Variants in BRINP3 observed in about 807,000 individuals in gnomAD.
The protein encoded by BRINP3 is BMP/retinoic acid inducible neural specific 3, also known as BMP/retinoic acid-inducible neural-specific protein 3.
A neutral mutation model predicts 71.0 loss-of-function variants in BRINP3; 19 were observed. That is an observed-to-expected ratio of 0.27 (90% CI 0.19 to 0.39). The LOEUF (loss-of-function observed/expected upper bound fraction) is 0.39, where lower values mean the gene tolerates loss of function less well. Among genes scored for constraint, BRINP3 ranks in the 10% least tolerant of loss-of-function variants. The pLI, the probability that BRINP3 is intolerant of heterozygous loss-of-function variation, is 1.00. For synonymous variants in BRINP3, 380 were observed against 337.7 expected (o/e 1.13, Z -1.37); for missense variants, 959 against 940.8 (o/e 1.02, Z -0.25).
chr1:190,467,875 A>T (rs1358340181), intron 1 of BRINP3, among the ~76,000 whole-genome samples: 1 of 151,572 alleles, frequency 6.6e-6, no homozygotes, highest in African/African-American at 2.4e-5. Context: ...TACATAAAAA[A>T]GAATCACTCA....
Position 190,160,667 on chromosome 1 carries a change from C to CCTTTTG in BRINP3, c.1184_1184+1insCAAAAG (p.Gln394_Arg395insSerLys). ...TGCTTACATTACCACAAATGTCTTA[C>CCTTTTG]CTTTGTCTTGGCAGGCTGATGAGGG... On this transcript the variant is annotated inframe_insertion and splice_region_variant. Coordinates refer to ENST00000367462, the MANE Select transcript of BRINP3 (RefSeq NM_199051.3). 1 of 1,610,810 alleles carries CCTTTTG rather than the reference C, an allele frequency of 6.2e-7. No individual in the cohort carries two copies.
At chr1:190,195,741 A>T (rs190751033) in intron 6 of BRINP3, among the ~76,000 whole-genome samples, 2 of 151,922 alleles carry the variant, frequency 1.3e-5, no homozygotes, top group Non-Finnish European at 2.9e-5. Flanking sequence ...TCTTCCTCTC[A>T]GTGGGAAAAT....
chr1:190,103,129 T>G (rs1651841899), intron 7 of BRINP3, among the ~76,000 whole-genome samples: 1 of 152,110 alleles, frequency 6.6e-6, no homozygotes, highest in Non-Finnish European at 1.5e-5. Flanking sequence ...TACTTTACCC[T>G]GTGCCCTGTG....
At position 190,318,937 on chromosome 1, in the gene BRINP3, A is replaced by G. The variant is rs12239869; in HGVS notation, c.237-37187T>C. Among the ~76,000 whole-genome samples, 279 of 152,242 alleles carry G rather than the reference A, an allele frequency of 1.8e-3. 2 individuals are homozygous for G. The highest frequency in any genetic ancestry group is 6.5e-3 in the African/African-American group (272 of 41,552). ...ATATTTTGTTCGGATGTAGATCTAT[A>G]TATTTCATTCTATCTTTCACTTATT... On this transcript the variant is annotated intron_variant, in intron 2 of 7. Transcript: ENST00000367462.
At chr1:190,215,097 A>G (rs918125851) in intron 6 of BRINP3, among the ~76,000 whole-genome samples, 2 of 145,360 alleles carry the variant, frequency 1.4e-5, no homozygotes, top group Non-Finnish European at 3.0e-5. Flanking sequence ...CTATTATGAA[A>G]AAAAAAAAAA....
chr1:190,111,811 G>A (rs901098017), intron 7 of BRINP3, among the ~76,000 whole-genome samples: 2 of 152,114 alleles, frequency 1.3e-5, no homozygotes, highest in African/African-American at 4.8e-5. Context: ...GGGACCATTG[G>A]AAGCAATTTC....
chr1:190,438,187 A>G (rs1468363904), intron 2 of BRINP3, among the ~76,000 whole-genome samples: 2 of 151,562 alleles, frequency 1.3e-5, no homozygotes, highest in African/African-American at 2.4e-5. Context: ...CTATAGAATC[A>G]TTCTTTAATC....
Position 190,221,890 on chromosome 1 carries a change from C to T in BRINP3, c.961+4192G>A, listed in dbSNP as rs114655837. Among the ~76,000 whole-genome samples, 895 of 152,152 alleles carry T rather than the reference C, an allele frequency of 5.9e-3. 8 individuals carry two copies. The highest frequency in any genetic ancestry group is 0.01 in the Non-Finnish European group (705 of 67,966). On this transcript the variant is annotated intron_variant, in intron 6 of 7. Coordinates refer to ENST00000367462, the MANE Select transcript of BRINP3 (RefSeq NM_199051.3). The stretch of plus-strand genomic sequence containing the variant: ...CAATTATCAATAGTTTTATGCCCAA[C>T]AACAGAGTTTCCTATAAGTATATAA...
At position 190,276,632 on chromosome 1, in the gene BRINP3, TAC is replaced by T. The variant is rs879430917; in HGVS notation, c.427+4926_427+4927del. Among the ~76,000 whole-genome samples the T allele has an allele frequency of 5.5e-3, 826 of 150,020 alleles. 6 individuals carry two copies. Among genetic ancestry groups the T allele is most frequent in the African/African-American group, 0.018 (753 of 41,052 alleles). ...ACTACATTGGAGGCATAGTTTTACA[TAC>T]ACACACACACATACACACACACACA... On this transcript the variant is annotated intron_variant, in intron 3 of 7. Coordinates refer to ENST00000367462, the MANE Select transcript of BRINP3 (RefSeq NM_199051.3).
chr1:190,265,480 T>G (rs1184487604), intron 3 of BRINP3, among the ~76,000 whole-genome samples: 1 of 151,196 alleles, frequency 6.6e-6, no homozygotes, highest in Non-Finnish European at 1.5e-5. Flanking sequence ...GGTGGGCGGA[T>G]CATGAGGGCA....
intron 6 of BRINP3, among the ~76,000 whole-genome samples, chr1:190,212,344 A>G (rs1423990909): frequency 6.6e-6 from 1 of 152,090 alleles, no homozygotes; most frequent in Non-Finnish European, 1.5e-5. Context: ...CCTTCTAGTA[A>G]AGCTTGGTTT....
rs111902211 is a variant in BRINP3, at chr1:190,183,298, T to C, written c.962-22408A>G. On this transcript the variant is annotated intron_variant, in intron 6 of 7. Transcript: ENST00000367462. The stretch of plus-strand genomic sequence containing the variant: ...AAGTAATTTCAATTTAATTTTAAAT[T>C]GAAATTTGGGAATTTAAATTTTAAG... Among the ~76,000 whole-genome samples, 540 of 152,218 alleles carry C rather than the reference T, an allele frequency of 3.5e-3. 4 individuals carry two copies. The highest frequency in any genetic ancestry group is 0.012 in the African/African-American group (512 of 41,552).
chr1:190,407,967 T>A (rs1422512186), intron 2 of BRINP3, among the ~76,000 whole-genome samples: 2 of 151,586 alleles, frequency 1.3e-5, no homozygotes, highest in East Asian at 3.9e-4. Flanking sequence ...TTATATTCCA[T>A]GACGATGTAC....
At chr1:190,257,653 G>A (rs1227764242) in intron 4 of BRINP3, among the ~76,000 whole-genome samples, 1 of 152,150 alleles carries the variant, frequency 6.6e-6, no homozygotes, top group Admixed American at 6.5e-5. Context: ...ACCTACAGAT[G>A]GGGTTTTGGT....
intron 2 of BRINP3, among the ~76,000 whole-genome samples, chr1:190,436,633 TTAAA>T (rs1373360825): frequency 9.2e-5 from 14 of 151,890 alleles, no homozygotes; most frequent in African/African-American, 1.2e-4. Context: ...ATGTCTATTC[TTAAA>T]TAAAATTATC....
intron 1 of BRINP3, among the ~76,000 whole-genome samples, chr1:190,472,025 C>T (rs1677170165): frequency 6.6e-6 from 1 of 151,396 alleles, no homozygotes; most frequent in Admixed American, 6.6e-5. Flanking sequence ...AAAGTTGAGT[C>T]AACATTGTTT....
At chr1:190,321,355 A>G (rs1302477479) in intron 2 of BRINP3, among the ~76,000 whole-genome samples, 1 of 152,144 alleles carries the variant, frequency 6.6e-6, no homozygotes, top group East Asian at 1.9e-4. Flanking sequence ...AGTACCATTC[A>G]TGTATGTTTC....
intron 7 of BRINP3, among the ~76,000 whole-genome samples, chr1:190,099,762 G>T (rs1651533431): frequency 6.6e-6 from 1 of 152,096 alleles, no homozygotes; most frequent in Admixed American, 6.6e-5. Context: ...ATTCTTACAG[G>T]CTGCTCAAGA....
intron 1 of BRINP3, among the ~76,000 whole-genome samples, chr1:190,459,813 A>T (rs540609594): frequency 6.6e-6 from 1 of 152,176 alleles, no homozygotes; most frequent in South Asian, 2.1e-4. Flanking sequence ...ATTTACTTTC[A>T]TTTTGAATAA....
Sources: gnomAD v4.1 joint callset for allele counts (sites outside exome capture counted in the v4.1 genomes callset) on GRCh38, gnomAD v4.1.1 for gene constraint, MANE v1.5 for transcripts, NCBI Gene and HGNC (gene_info 2026-07-23, HGNC 2026-07-21) for gene names.